The following MMS22L variants were observed in gnomAD, a reference collection of about 807,000 sequenced individuals.
MMS22L encodes the protein MMS22 like, DNA repair protein, also known as protein MMS22-like.
Under a neutral mutation model 159.1 loss-of-function variants are expected in MMS22L, and 74 were observed. The ratio of observed to expected loss-of-function variants is 0.47; its 90% CI spans 0.39 to 0.56. The LOEUF is 0.56. MMS22L is among the 20% of genes least tolerant of loss of function. The probability of loss-of-function intolerance (pLI) is 0.00; values close to 1 mark genes in which losing one functional copy is unlikely to be tolerated. For synonymous variants in MMS22L, 517 were observed against 506.9 expected (o/e 1.02, Z -0.27); for missense variants, 1,351 against 1,422.1 (o/e 0.95, Z 0.80).
intron 8 of MMS22L, chr6:97,267,660 GAAA>G (rs1376809087): frequency 8.5e-6 from 2 of 236,198 alleles, no homozygotes; most frequent in Non-Finnish European, 1.5e-5. Flanking sequence ...AAAAAAAAAA[GAAA>G]AAAAGAAAAG....
chr6:97,189,228 G>A (rs1241841113), intron 14 of MMS22L, among the ~76,000 whole-genome samples: 1 of 149,744 alleles, frequency 6.7e-6, no homozygotes, highest in Admixed American at 6.7e-5. Flanking sequence ...GAGCTAACGT[G>A]GGGATAGGAC....
At chr6:97,277,417 A>T (rs971434957) in intron 4 of MMS22L, among the ~76,000 whole-genome samples, 9 of 151,970 alleles carry the variant, frequency 5.9e-5, no homozygotes, top group African/African-American at 1.2e-4. Flanking sequence ...CCATCTCAAA[A>T]AATAATAATA....
intron 9 of MMS22L, chr6:97,260,641 CTTCTGTTTT>C (rs372819959): frequency 6.6e-6 from 1 of 152,258 alleles, no homozygotes; most frequent in East Asian, 1.9e-4. Context: ...TTGTCAGTTT[CTTCTGTTTT>C]ATGGTTGTTT....
chr6:97,182,031 T>A lies in MMS22L; in HGVS notation c.2257A>T (p.Met753Leu), dbSNP rs1804769446. The A allele has an allele frequency of 8.1e-6, 13 of 1,610,836 alleles. No homozygotes were observed. Among genetic ancestry groups the A allele is most frequent in the African/African-American group, 1.3e-5 (1 of 74,830 alleles). Residue 753 changes from methionine (M) to leucine (L), a missense_variant, in exon 16 of 25, where the codon ATG (methionine) becomes TTG (leucine). Physicochemically the swap from Met to Leu is conservative, Grantham distance 15 (BLOSUM62 2). Coordinates refer to ENST00000683635, the MANE Select transcript of MMS22L (RefSeq NM_001350599.2). The part of the protein sequence containing the change: ...AADFTLLAMD[M>L]PSTAPSDFQP... The stretch of plus-strand genomic sequence containing the variant: ...AAATCTGATGGAGCTGTGCTTGGCA[T>A]GTCCATTGCTAGCAAAGTAAAGTCT...
At chr6:97,251,042 T>C (rs1813184274) in intron 10 of MMS22L, among the ~76,000 whole-genome samples, 1 of 152,184 alleles carries the variant, frequency 6.6e-6, no homozygotes, top group South Asian at 2.1e-4. Flanking sequence ...TCAGAAACAA[T>C]ACGTCAATAT....
At chr6:97,178,160 A>T (rs1016780420) in intron 18 of MMS22L, among the ~76,000 whole-genome samples, 3 of 152,146 alleles carry the variant, frequency 2.0e-5, no homozygotes. Context: ...AACTGTGTCA[A>T]TATTCCTACA....
Position 97,143,421 on chromosome 6 carries a change from T to C in MMS22L, c.*3385A>G, listed in dbSNP as rs981817278. 3 of 152,198 alleles carry C rather than the reference T, an allele frequency of 2.0e-5. No homozygotes were observed. Among genetic ancestry groups the C allele is most frequent in the African/African-American group, 7.2e-5 (3 of 41,454 alleles). The allele number at this position is 152,198 out of a possible 1,614,324, so 9.4% of individuals were successfully genotyped here. ...GATAGGTGGCAGAAAGTCTCCAGAC[T>C]GAAGGGTTTGAACATCACCTTATAA... On this transcript the variant is annotated 3_prime_UTR_variant, in exon 25 of 25. Transcript: ENST00000683635.
intron 14 of MMS22L, among the ~76,000 whole-genome samples, chr6:97,214,908 G>A (rs4409186): frequency 0.76 from 113,629 of 150,174 alleles, 43,971 homozygotes; most frequent in Middle Eastern, 0.84. Context: ...AAAAAAATAC[G>A]TAATTAAGAG....
chr6:97,257,472 G>T (rs1043745799), intron 9 of MMS22L, among the ~76,000 whole-genome samples: 4 of 151,992 alleles, frequency 2.6e-5, no homozygotes, highest in African/African-American at 9.7e-5. Context: ...TTTTTGTGGG[G>T]GGAGAGGGTC....
At chr6:97,222,087 T>C (rs1809716538) in intron 14 of MMS22L, among the ~76,000 whole-genome samples, 2 of 152,122 alleles carry the variant, frequency 1.3e-5, no homozygotes, top group South Asian at 4.1e-4. Context: ...TTGTACCTCC[T>C]TTTTTGCCTA....
chr6:97,195,060 T>G (rs557150016), intron 14 of MMS22L, among the ~76,000 whole-genome samples: 86 of 152,324 alleles, frequency 5.6e-4, no homozygotes, highest in Non-Finnish European at 8.8e-5. Flanking sequence ...GGGATGATGA[T>G]TGATAGAACT....
At chr6:97,273,434 G>A (rs1247509810) in intron 4 of MMS22L, among the ~76,000 whole-genome samples, 1 of 152,084 alleles carries the variant, frequency 6.6e-6, no homozygotes, top group Non-Finnish European at 1.5e-5. Flanking sequence ...TCAAGACTCA[G>A]TCCTGAATCC....
Position 97,143,357 on chromosome 6 carries a change from G to C in MMS22L, c.*3449C>G, listed in dbSNP as rs1181100307. ...GAGAAAGCTGCTAAATGAGCCTCTT[G>C]TTTGGAAAGAGATAAGCTTGAAGAT... On this transcript the variant is annotated 3_prime_UTR_variant, in exon 25 of 25. Coordinates refer to ENST00000683635, the MANE Select transcript of MMS22L (RefSeq NM_001350599.2). 3 of 152,208 alleles carry C rather than the reference G, an allele frequency of 2.0e-5. No homozygotes were observed. The South Asian group carries it at 6.2e-4, about 32-fold the overall frequency. 9.4% of individuals were successfully genotyped at this position (152,208 alleles called of 1,614,324 possible).
intron 8 of MMS22L, chr6:97,266,189 G>C (rs1201956025): frequency 6.6e-6 from 1 of 152,128 alleles, no homozygotes; most frequent in East Asian, 1.9e-4. Context: ...AGAGGAAGTG[G>C]TGACAAGAAA....
intron 11 of MMS22L, among the ~76,000 whole-genome samples, chr6:97,243,015 T>G (rs996492926): frequency 1.3e-5 from 2 of 152,212 alleles, no homozygotes; most frequent in Non-Finnish European, 1.5e-5. Context: ...GATTCTTTGC[T>G]TTGTCTTCAC....
chr6:97,218,794 C>T (rs1809303204), intron 14 of MMS22L, among the ~76,000 whole-genome samples: 1 of 152,172 alleles, frequency 6.6e-6, no homozygotes, highest in Non-Finnish European at 1.5e-5. Flanking sequence ...TTAATTGACT[C>T]ATAGTTCCCC....
At chr6:97,163,796 A>C (rs772296473) in intron 21 of MMS22L, among the ~76,000 whole-genome samples, 6 of 152,010 alleles carry the variant, frequency 3.9e-5, no homozygotes, top group Non-Finnish European at 5.9e-5. Context: ...GATTTAGCCC[A>C]AAAAAATGAC....
At position 97,254,572 on chromosome 6, in the gene MMS22L, T is replaced by C. The variant is rs990800673; in HGVS notation, c.1104A>G (p.Gly368=). ...VASFYKFDRH[G]VPDEMRKVES... is the part of the protein sequence containing the mutation. Reference sequence around the variant, plus strand: ...GAAGTCTTACCATTTCATCTGGTACTCCATGGCGATCAAACTTGTAAAATG... The same window carrying C: ...GAAGTCTTACCATTTCATCTGGTACCCCATGGCGATCAAACTTGTAAAATG... The change falls in exon 10 of 25, where the codon GGA becomes GGG. Residue 368 remains glycine (G), a synonymous_variant. Transcript: ENST00000683635. The C allele has an allele frequency of 1.9e-6, 3 of 1,613,234 alleles. No homozygotes were observed. The African/African-American group carries it at 4.0e-5, about 22-fold the overall frequency.
chr6:97,195,406 A>G (rs1806384050), intron 14 of MMS22L, among the ~76,000 whole-genome samples: 1 of 152,240 alleles, frequency 6.6e-6, no homozygotes, highest in Non-Finnish European at 1.5e-5. Flanking sequence ...GAAAAGCAGA[A>G]GTGTAATATA....
Sources: allele counts gnomAD v4.1 joint callset (sites outside exome capture counted in the v4.1 genomes callset), GRCh38; gene constraint gnomAD v4.1.1; transcripts MANE v1.5; gene names NCBI Gene and HGNC (gene_info 2026-07-23, HGNC 2026-07-21).